CBLB: variants seen among roughly 807,000 people sequenced by gnomAD.
CBLB encodes Cbl proto-oncogene B, also known as E3 ubiquitin-protein ligase CBL-B.
In CBLB, 31 loss-of-function variants were observed where a neutral mutation model predicts 104.9. That is an observed-to-expected ratio of 0.30 (90% confidence interval 0.22 to 0.40). The LOEUF is 0.40. Ranked by LOEUF, CBLB falls within the 10% of genes least tolerant of loss-of-function variation. The pLI is 1.00. For missense variants in CBLB, 1,062 were observed against 1,214.6 expected, an observed-to-expected ratio of 0.87 and a Z score of 1.87; for synonymous variants, 440 against 422.6, an observed-to-expected ratio of 1.04 and a Z score of -0.51.
chr3:105,810,646 C>A (rs2084162852), intron 3 of CBLB, among the ~76,000 whole-genome samples: 1 of 151,918 alleles, frequency 6.6e-6, no homozygotes, highest in Admixed American at 6.6e-5. Flanking sequence ...CAATAATATT[C>A]CATAGATTCA....
At chr3:105,856,922 G>C (rs1560554686) in intron 2 of CBLB, among the ~76,000 whole-genome samples, 2 of 151,910 alleles carry the variant, frequency 1.3e-5, no homozygotes, top group Admixed American at 6.6e-5. Flanking sequence ...GCTTGAAAAA[G>C]AATATGGTTT....
At chr3:105,855,812 T>TA (rs1486142820) in intron 2 of CBLB, among the ~76,000 whole-genome samples, 2 of 152,128 alleles carry the variant, frequency 1.3e-5, no homozygotes, top group Non-Finnish European at 2.9e-5. Flanking sequence ...TTTCTCATTC[T>TA]AAAAAAAATT....
intron 18 of CBLB, among the ~76,000 whole-genome samples, chr3:105,663,016 G>A (rs897258552): frequency 2.4e-5 from 3 of 127,166 alleles, no homozygotes; most frequent in Non-Finnish European, 3.5e-5. Flanking sequence ...CCGTCACTAC[G>A]AGAGTTACTA....
At chr3:105,785,334 T>G (rs910533590) in intron 3 of CBLB, among the ~76,000 whole-genome samples, 3 of 152,238 alleles carry the variant, frequency 2.0e-5, no homozygotes, top group African/African-American at 7.2e-5. Context: ...AAACCCACTT[T>G]AACAGAGAAT....
chr3:105,679,647 G>A (rs972562100), intron 16 of CBLB, among the ~76,000 whole-genome samples: 11 of 151,934 alleles, frequency 7.2e-5, no homozygotes, highest in African/African-American at 2.7e-4. Context: ...ATGGTGGTAC[G>A]TGACTGTAAT....
chr3:105,822,448 T>C (rs1472258588), intron 3 of CBLB, among the ~76,000 whole-genome samples: 1 of 152,164 alleles, frequency 6.6e-6, no homozygotes, highest in East Asian at 1.9e-4. Flanking sequence ...CTATTTTGGG[T>C]ATTATGAATT....
intron 3 of CBLB, among the ~76,000 whole-genome samples, chr3:105,799,723 T>C (rs1252959290): frequency 6.6e-6 from 1 of 152,170 alleles, no homozygotes; most frequent in Non-Finnish European, 1.5e-5. Flanking sequence ...GCATTTACAA[T>C]TCCTGCTATA....
intron 3 of CBLB, among the ~76,000 whole-genome samples, chr3:105,803,629 AT>A (rs1221969640): frequency 6.6e-6 from 1 of 152,234 alleles, no homozygotes; most frequent in African/African-American, 2.4e-5. Flanking sequence ...AATAGTTTTA[AT>A]TATTTGTTCC....
At chr3:105,781,362 A>G (rs1239868854) in intron 3 of CBLB, among the ~76,000 whole-genome samples, 1 of 152,204 alleles carries the variant, frequency 6.6e-6, no homozygotes, top group Non-Finnish European at 1.5e-5. Flanking sequence ...TTAACAGTTT[A>G]AGGTTGCTAC....
intron 6 of CBLB, among the ~76,000 whole-genome samples, chr3:105,745,101 C>T (rs1020082096): frequency 8.6e-5 from 13 of 152,038 alleles, no homozygotes; most frequent in African/African-American, 3.1e-4. Flanking sequence ...TAATGAATAC[C>T]AGAATAGCAT....
At chr3:105,754,501 GAGAGAGAGAGAGAGAGAGAGAC>G (rs1161841502) in intron 4 of CBLB, among the ~76,000 whole-genome samples, 3 of 62,248 alleles carry the variant, frequency 4.8e-5, no homozygotes, top group African/African-American at 1.3e-4. Flanking sequence ...GGAAGAGAGA[GAGAGAGAGAGAGAGAGAGAGAC>G]AGAGAGAGAG....
At chr3:105,776,357 A>G in intron 4 of CBLB, 39 bp downstream of exon 4, 1 of 1,590,698 alleles carries the variant, frequency 6.3e-7, no homozygotes, top group African/African-American at 1.3e-5. Flanking sequence ...GTAACCCTTG[A>G]AAGATAGATC....
At chr3:105,831,316 T>C (rs1317401259) in intron 3 of CBLB, among the ~76,000 whole-genome samples, 1 of 152,228 alleles carries the variant, frequency 6.6e-6, no homozygotes, top group African/African-American at 2.4e-5. Flanking sequence ...CTGTATCTCC[T>C]ACCTGAGCAT....
rs899148426 is a variant in CBLB, at chr3:105,658,579, G to A, written c.*391C>T. 2 of 283,582 alleles carry A rather than the reference G, an allele frequency of 7.1e-6. No individual in the cohort carries two copies. The highest frequency in any genetic ancestry group is 1.3e-5 in the Non-Finnish European group (2 of 148,204). 17.6% of individuals were successfully genotyped at this position (283,582 alleles called of 1,614,324 possible). ...GAAATGTTACAGCAGACCTGACCACGCTACAAAGGGTCTGTGAAGAACACA... is the reference window on the plus strand; with the variant it reads ...GAAATGTTACAGCAGACCTGACCACACTACAAAGGGTCTGTGAAGAACACA... On this transcript the variant is annotated 3_prime_UTR_variant, in exon 19 of 19. Coordinates refer to ENST00000394030, the MANE Select transcript of CBLB (RefSeq NM_170662.5).
chr3:105,855,598 C>T (rs916089363), intron 2 of CBLB, among the ~76,000 whole-genome samples: 1 of 152,156 alleles, frequency 6.6e-6, no homozygotes, highest in African/African-American at 2.4e-5. Context: ...GCCCACAATG[C>T]TGACTAGCCT....
chr3:105,814,204 T>C (rs2084699424), intron 3 of CBLB, among the ~76,000 whole-genome samples: 1 of 152,144 alleles, frequency 6.6e-6, no homozygotes, highest in Non-Finnish European at 1.5e-5. Flanking sequence ...AACTAAAGCT[T>C]TTGTGTGCTT....
intron 7 of CBLB, among the ~76,000 whole-genome samples, chr3:105,738,078 T>A (rs1324029039): frequency 6.6e-6 from 1 of 152,178 alleles, no homozygotes; most frequent in East Asian, 1.9e-4. Flanking sequence ...AAAGTGGTAA[T>A]GTCACTGCTG....
At chr3:105,670,043 T>C (rs892168117) in intron 18 of CBLB, among the ~76,000 whole-genome samples, 190 bp downstream of exon 18, 7 of 152,160 alleles carry the variant, frequency 4.6e-5, no homozygotes, top group African/African-American at 1.4e-4. Context: ...TATTTTTCTT[T>C]TCAATGAGGC....
chr3:105,776,428 A>G lies in CBLB; in HGVS notation c.534T>C (p.Ala178=). Residue 178 remains alanine (A), a synonymous_variant, in exon 4 of 19, where the codon GCT becomes GCC. Coordinates refer to ENST00000394030, the MANE Select transcript of CBLB (RefSeq NM_170662.5). ...CAAAAAACTTTCTCCAGAATTCAGCAGCATCTGCTTTTGTGATACGAAAGT... is the reference window on the plus strand; with the variant it reads ...CAAAAAACTTTCTCCAGAATTCAGCGGCATCTGCTTTTGTGATACGAAAGT... ...GDNFRITKAD[A]AEFWRKFFGD... 1 of 1,613,798 alleles carries G rather than the reference A, an allele frequency of 6.2e-7. No individual in the cohort carries two copies. The highest frequency in any genetic ancestry group is 8.5e-7 in the Non-Finnish European group (1 of 1,179,892).
Sources: allele counts gnomAD v4.1 joint callset (sites outside exome capture counted in the v4.1 genomes callset), GRCh38; gene constraint gnomAD v4.1.1; transcripts MANE v1.5; gene names NCBI Gene and HGNC (gene_info 2026-07-23, HGNC 2026-07-21).